Variants in TBX1 observed in about 807,000 individuals in gnomAD.
The protein encoded by TBX1 is T-box transcription factor TBX1.
A neutral mutation model predicts 40.8 loss-of-function variants in TBX1; 16 were observed. That is an observed-to-expected ratio of 0.39 (90% CI 0.27 to 0.60). TBX1 has a LOEUF of 0.60. Ranked by LOEUF, TBX1 falls within the 20% of genes least tolerant of loss-of-function variation. The probability of loss-of-function intolerance (pLI) is 0.51; values close to 1 mark genes in which losing one functional copy is unlikely to be tolerated. For synonymous variants in TBX1, 403 were observed against 336.8 expected (o/e 1.20, Z -2.15); for missense variants, 755 against 728.5 (o/e 1.04, Z -0.42).
downstream of TBX1, chr22:19,782,799 T>A: frequency 6.3e-7 from 1 of 1,591,580 alleles, no homozygotes; most frequent in Non-Finnish European, 8.6e-7. Context: ...CTGTGTTCAC[T>A]CTTTCTTGCT....
At chr22:19,756,956 G>C (rs937447962), upstream of TBX1, among the ~76,000 whole-genome samples, 1 of 152,100 alleles carries the variant, frequency 6.6e-6, no homozygotes, top group Non-Finnish European at 1.5e-5. Flanking sequence ...TGCCCTAGGC[G>C]GGAGGGAGGG....
intron 2 of TBX1, chr22:19,763,627 G>A (rs1936738822): frequency 1.0e-5 from 5 of 492,414 alleles, no homozygotes; most frequent in Non-Finnish European, 1.8e-5. Flanking sequence ...CTCAGCCCCG[G>A]ACTTCTTCAA....
chr22:19,767,727 T>C (rs573567357), downstream of TBX1, among the ~76,000 whole-genome samples: 1 of 152,374 alleles, frequency 6.6e-6, no homozygotes, highest in East Asian at 1.9e-4. Context: ...TCGGGACAGA[T>C]GCTTGTGCTT....
Position 19,779,387 on chromosome 22 carries a change from G to A in TBX1, c.1177G>A (p.Ala393Thr), listed in dbSNP as rs5993826. The A allele has an allele frequency of 7.9e-5, 127 of 1,614,196 alleles. No homozygotes were observed. The East Asian group carries it at 1.1e-3, about 14-fold the overall frequency. ...CCAGGGCCTGGTGGCTGGGAGGACC[G>A]CAGGTGACCGTCTTTGTTGAATGCT... The change falls in exon 9 of 9, where the codon GCA (alanine) becomes ACA (threonine). Residue 393 changes from alanine (A) to threonine (T), a missense_variant. Coordinates refer to the TBX1 transcript ENST00000329705.
At chr22:19,774,266 C>T (rs1371327058) in intron 8 of TBX1, among the ~76,000 whole-genome samples, 2 of 152,058 alleles carry the variant, frequency 1.3e-5, no homozygotes, top group East Asian at 3.9e-4. Context: ...AGTTCAAGAC[C>T]CGCCTGGGCG....
intron 5 of TBX1, 30 bp downstream of exon 5, chr22:19,765,855 C>T (rs1399922017): frequency 4.4e-6 from 7 of 1,580,258 alleles, no homozygotes; most frequent in African/African-American, 1.4e-5. Flanking sequence ...AGAGTGAGCG[C>T]CGGGCGCCTG....
In TBX1 at chr22:19,761,056, C is replaced by CCCGCCG. The variant is rs1009463279; in HGVS notation, c.224_229dup (p.Pro75_Pro76dup). 1.9e-5 allele frequency: 17 copies of CCCGCCG among 896,900 alleles called. No homozygotes were observed. In the African/African-American group the frequency reaches 2.4e-4, roughly 13 times the overall value. 55.6% of individuals were successfully genotyped at this position (896,900 alleles called of 1,614,324 possible). A position where few individuals can be genotyped will look rare whatever the true frequency, so the allele number is the denominator to read the frequency against. The stretch of plus-strand genomic sequence containing the variant: ...CCGCCGCCGCCCCCGGCGCCCCGGG[C>CCCGCCG]CCGCCGCCGCCGCCGCACGCCTACC... On this transcript the variant is annotated inframe_insertion, in exon 1 of 7. Coordinates refer to ENST00000649276, the MANE Select transcript of TBX1 (RefSeq NM_001379200.1).
chr22:19,762,065 G>A (rs1936685989), intron 1 of TBX1, among the ~76,000 whole-genome samples: 1 of 152,258 alleles, frequency 6.6e-6, no homozygotes, highest in South Asian at 2.1e-4. Context: ...CCTTCTCGTG[G>A]TTTCTGTTTC....
intron 1 of TBX1, among the ~76,000 whole-genome samples, chr22:19,762,244 C>A (rs1187179009): frequency 6.6e-6 from 1 of 152,250 alleles, no homozygotes. Flanking sequence ...CGGCGCTGGG[C>A]TTCACCCGGG....
At chr22:19,760,206 A>G (rs755068951), upstream of TBX1, among the ~76,000 whole-genome samples, 9 of 123,288 alleles carry the variant, frequency 7.3e-5, no homozygotes, top group Non-Finnish European at 1.2e-4. Flanking sequence ...AAAAGGAAAG[A>G]CTTTAGTTTT....
At chr22:19,762,815 A>G (rs1569019993) in intron 1 of TBX1, among the ~76,000 whole-genome samples, 1 of 151,974 alleles carries the variant, frequency 6.6e-6, no homozygotes, top group Non-Finnish European at 1.5e-5. Flanking sequence ...ACACAGGACT[A>G]CCCGGTTTCA....
At chr22:19,757,599 C>T (rs1020526952), upstream of TBX1, among the ~76,000 whole-genome samples, 4 of 152,196 alleles carry the variant, frequency 2.6e-5, no homozygotes, top group African/African-American at 9.7e-5. Context: ...CCAGGCCTCT[C>T]TGGGTGCAGA....
At chr22:19,763,140 G>A in intron 1 of TBX1, 101 bp from the exon 2 acceptor site, 2 of 902,622 alleles carry the variant, frequency 2.2e-6, no homozygotes, top group Non-Finnish European at 3.6e-6. Flanking sequence ...AGCCCCCAGA[G>A]GCTGGAGGGA....
upstream of TBX1, among the ~76,000 whole-genome samples, chr22:19,757,986 G>A (rs554019722): frequency 6.6e-6 from 1 of 152,244 alleles, no homozygotes; most frequent in Non-Finnish European, 1.5e-5. Flanking sequence ...CATACAGGCA[G>A]CAACACACAC....
chr22:19,769,473 G>T (rs1458346125), downstream of TBX1, among the ~76,000 whole-genome samples: 1 of 152,250 alleles, frequency 6.6e-6, no homozygotes, highest in Non-Finnish European at 1.5e-5. Context: ...GTAAATGAGA[G>T]CTCGCAGGCC....
At position 19,765,969 on chromosome 22, in the gene TBX1, G is replaced by T. The variant is rs892172437; in HGVS notation, c.1003G>T (p.Ala335Ser). 5.3e-6 allele frequency: 8 copies of T among 1,517,882 alleles called. No individual in the cohort carries two copies. The highest frequency in any genetic ancestry group is 7.0e-6 in the Non-Finnish European group (8 of 1,137,754). The allele number at this position is 1,517,882 out of a possible 1,614,324, so 94.0% of individuals were successfully genotyped here. Residue 335 changes from alanine (A) to serine (S), a missense_variant, in exon 6 of 7, where the codon GCT becomes TCT. Ala to Ser is a moderately conservative substitution (Grantham distance 99). Transcript: ENST00000649276. ...CTTCGCGCGCTCGCGGAACCCCGTG[G>T]CTTCCCCGACGCAGCCCAGCGGCAC... ...SAFARSRNPV[A>S]SPTQPSGTEK...
At position 19,764,242 on chromosome 22, in the gene TBX1, T is replaced by G. The variant is rs201107301; in HGVS notation, c.627T>G (p.Pro209=). 1 of 1,613,380 alleles carries G rather than the reference T, an allele frequency of 6.2e-7. No homozygotes were observed. Residue 209 remains proline (P), a synonymous_variant, in exon 3 of 7, where the codon CCT becomes CCG. Coordinates refer to ENST00000649276, the MANE Select transcript of TBX1 (RefSeq NM_001379200.1). ...GCGTGCACTACCACCCGGACTCGCCTGCCAAGGGCGCGCAGTGGATGAAGC... is the reference window on the plus strand; with the variant it reads ...GCGTGCACTACCACCCGGACTCGCCGGCCAAGGGCGCGCAGTGGATGAAGC... The part of the protein sequence containing the change: ...PGRVHYHPDS[P]AKGAQWMKQI...
At chr22:19,772,109 T>G (rs1382752437), downstream of TBX1, among the ~76,000 whole-genome samples, 1 of 152,214 alleles carries the variant, frequency 6.6e-6, no homozygotes, top group Non-Finnish European at 1.5e-5. Context: ...ACAGTTTTTT[T>G]GTTTGTTTTT....
At position 19,766,479 on chromosome 22, in the gene TBX1, G is replaced by T; in HGVS notation, c.1127G>T (p.Arg376Leu). ...GCGCATCCTCCGCAGCTGCTGGCCC[G>T]GGTGCTAAGCCCCTCGCTGCCCGGG... ...DPAHPPQLLA[R>L]VLSPSLPGAG... Residue 376 changes from arginine (R) to leucine (L), a missense_variant, in exon 7 of 7, where the codon CGG becomes CTG. By Grantham distance (102) the Arg-to-Leu change is moderately radical. This residue lies in a region of TBX1 where 412 missense variants were observed against 317.6 expected (regional missense o/e 1.30). Coordinates refer to ENST00000649276, the MANE Select transcript of TBX1 (RefSeq NM_001379200.1). 7.5e-7 allele frequency: 1 copy of T among 1,327,232 alleles called. No individual in the cohort carries two copies. Among genetic ancestry groups the T allele is most frequent in the Non-Finnish European group, 9.7e-7 (1 of 1,033,136 alleles). The allele number at this position is 1,327,232 out of a possible 1,614,324, so 82.2% of individuals were successfully genotyped here. A position where few individuals can be genotyped will look rare whatever the true frequency, so the allele number is the denominator to read the frequency against.
Sources: allele counts gnomAD v4.1 joint callset (sites outside exome capture counted in the v4.1 genomes callset), GRCh38; gene constraint gnomAD v4.1.1; regional missense constraint gnomAD v4.1.1; transcripts MANE v1.5; gene names NCBI Gene and HGNC (gene_info 2026-07-23, HGNC 2026-07-21).